HOXD4: variants seen among roughly 807,000 people sequenced by gnomAD.
HOXD4 encodes homeobox D4.
A neutral mutation model predicts 22.6 loss-of-function variants in HOXD4; 15 were observed. The observed-to-expected ratio is 0.67, with a 90% CI of 0.45 to 1.02. HOXD4 has a LOEUF of 1.02. HOXD4 is among the 50% of genes least tolerant of loss of function. The pLI is 0.00. For missense variants in HOXD4, 350 were observed against 346.6 expected, an observed-to-expected ratio of 1.01 and a Z score of -0.08; for synonymous variants, 176 against 157.0, an observed-to-expected ratio of 1.12 and a Z score of -0.90.
Position 176,152,988 on chromosome 2 carries a change from C to T in HOXD4, c.*46C>T. The T allele has an allele frequency of 6.3e-7, 1 of 1,584,558 alleles. No individual in the cohort carries two copies. Among genetic ancestry groups the T allele is most frequent in the Non-Finnish European group, 8.7e-7 (1 of 1,153,370 alleles). ...TCTCTCCCTGCGCACCAGGCTGAGC[C>T]GAAGCTGCGGGGGCAGGCCGGGCCT... is the stretch of plus-strand genomic sequence containing the variant. On this transcript the variant is annotated 3_prime_UTR_variant, in exon 2 of 2. Coordinates refer to ENST00000306324, the MANE Select transcript of HOXD4 (RefSeq NM_014621.3). The surrounding 1 kb of genome is among the most constrained non-coding windows in gnomAD (Gnocchi z 5.2).
Position 176,153,007 on chromosome 2 carries a change from C to G in HOXD4, c.*65C>G. Reference sequence around the variant, plus strand: ...CTGAGCCGAAGCTGCGGGGGCAGGCCGGGCCTGCTGTCACCTCGCTGGGCT... The same window carrying G: ...CTGAGCCGAAGCTGCGGGGGCAGGCGGGGCCTGCTGTCACCTCGCTGGGCT... On this transcript the variant is annotated 3_prime_UTR_variant, in exon 2 of 2. Transcript: ENST00000306324. 3 of 1,514,590 alleles carry G rather than the reference C, an allele frequency of 2.0e-6. No homozygotes were observed. Among genetic ancestry groups the G allele is most frequent in the Non-Finnish European group, 2.8e-6 (3 of 1,090,144 alleles). The allele number at this position is 1,514,590 out of a possible 1,614,324, so 93.8% of individuals were successfully genotyped here.
In HOXD4 at chr2:176,152,918, C is replaced by G; in HGVS notation, c.744C>G (p.His248Gln). 2 of 1,614,210 alleles carry G rather than the reference C, an allele frequency of 1.2e-6. No individual in the cohort carries two copies. The highest frequency in any genetic ancestry group is 1.7e-6 in the Non-Finnish European group (2 of 1,180,034). ...ATTTACAGCCGATGGCCAAAGACCA[C>G]CACACGGACCTGACGACCTTATAGA... ...SQHLQPMAKD[H>Q]HTDLTTL The change falls in exon 2 of 2, where the codon CAC becomes CAG. Residue 248 changes from histidine (H) to glutamine (Q), a missense_variant. Transcript: ENST00000306324. The surrounding 1 kb of genome is among the most constrained non-coding windows in gnomAD (Gnocchi z 5.2).
chr2:176,153,129 GAT>G lies in HOXD4; in HGVS notation c.*188_*189del. The G allele has an allele frequency of 5.7e-6, 2 of 350,782 alleles. No individual in the cohort carries two copies. The highest frequency in any genetic ancestry group is 7.9e-5 in the East Asian group (1 of 12,680). 21.7% of individuals were successfully genotyped at this position (350,782 alleles called of 1,614,324 possible). On this transcript the variant is annotated 3_prime_UTR_variant, in exon 2 of 2. Transcript: ENST00000306324. The stretch of plus-strand genomic sequence containing the variant: ...AGCCCCCTCCCTAGAGCGGGATGGG[GAT>G]GGGAGGGGGGGCGGGATTCTCTCTC...
rs1300367641 is a variant in HOXD4, at chr2:176,152,997, G to A, written c.*55G>A. 4 of 1,567,834 alleles carry A rather than the reference G, an allele frequency of 2.6e-6. No individual in the cohort carries two copies. Among genetic ancestry groups the A allele is most frequent in the East Asian group, 2.2e-5 (1 of 44,576 alleles). ...GCGCACCAGGCTGAGCCGAAGCTGC[G>A]GGGGCAGGCCGGGCCTGCTGTCACC... On this transcript the variant is annotated 3_prime_UTR_variant, in exon 2 of 2. Transcript: ENST00000306324. This position sits in a 1 kb window ranked among gnomAD's most constrained non-coding sequence, Gnocchi z 5.2.
In HOXD4 at chr2:176,151,690, G is replaced by T. The variant is rs376860683; in HGVS notation, c.57G>T (p.Pro19=). The T allele has an allele frequency of 6.2e-7, 1 of 1,613,602 alleles. No individual in the cohort carries two copies. The highest frequency in any genetic ancestry group is 8.5e-7 in the Non-Finnish European group (1 of 1,179,988). Residue 19 remains proline, a synonymous_variant, in exon 1 of 2, where the codon CCG becomes CCT. Coordinates refer to ENST00000306324, the MANE Select transcript of HOXD4 (RefSeq NM_014621.3). ...AGTATGTGGACCCCAAGTTCCCTCC[G>T]TGCGAGGAGTATTTGCAGGGCGGCT... ...NSKYVDPKFP[P]CEEYLQGGYL... is the part of the protein sequence containing the mutation.
Position 176,151,565 on chromosome 2 carries a change from G to A in HOXD4, c.-69G>A, listed in dbSNP as rs779403544. 2.2e-6 allele frequency: 3 copies of A among 1,377,168 alleles called. No individual in the cohort carries two copies. The highest frequency in any genetic ancestry group is 3.1e-6 in the Non-Finnish European group (3 of 968,122). The allele number at this position is 1,377,168 out of a possible 1,614,324, so 85.3% of individuals were successfully genotyped here. A position where few individuals can be genotyped will look rare whatever the true frequency, so the allele number is the denominator to read the frequency against. On this transcript the variant is annotated 5_prime_UTR_variant, in exon 1 of 2. Coordinates refer to ENST00000306324, the MANE Select transcript of HOXD4 (RefSeq NM_014621.3). ...AACTTTATTCAGTTGACAGCAAGTA[G>A]GAGGGCCCTATGGAAGGAGAAAAAA...
Position 176,152,869 on chromosome 2 carries a change from C to G in HOXD4, c.695C>G (p.Ser232Cys), listed in dbSNP as rs1268750836. The G allele has an allele frequency of 6.2e-7, 1 of 1,614,192 alleles. No individual in the cohort carries two copies. The highest frequency in any genetic ancestry group is 8.5e-7 in the Non-Finnish European group (1 of 1,180,028). The change falls in exon 2 of 2, where the codon TCC becomes TGC. Residue 232 changes from serine (S) to cysteine (C), a missense_variant. By Grantham distance (112) the Ser-to-Cys change is moderately radical (BLOSUM62 -1). Transcript: ENST00000306324. The surrounding 1 kb of genome is among the most constrained non-coding windows in gnomAD (Gnocchi z 5.2). The stretch of plus-strand genomic sequence containing the variant: ...TCCTCATCTTCCTCCTCATCTTGCT[C>G]CTCCTCAGTCGCCCCCAGCCAGCAT... ...SSSSSSSSSCSSSVAPSQHLQ... is the reference protein window; with the variant it reads ...SSSSSSSSSCCSSVAPSQHLQ...
chr2:176,152,051 G>T lies in HOXD4; in HGVS notation c.418G>T (p.Val140Leu), dbSNP rs923446536. The T allele has an allele frequency of 6.2e-7, 1 of 1,613,424 alleles. No individual in the cohort carries two copies. Among genetic ancestry groups the T allele is most frequent in the African/African-American group, 1.3e-5 (1 of 74,926 alleles). Residue 140 changes from valine to leucine, a missense_variant, in exon 1 of 2, where the codon GTG becomes TTG. Transcript: ENST00000306324. The surrounding 1 kb of genome is among the most constrained non-coding windows in gnomAD (Gnocchi z 5.2). ...PAVVYPWMKK[V>L]HVNSVNPNYT... ...CGTGGTCTACCCCTGGATGAAGAAG[G>T]TGCACGTGAATTCGGGTAAGGCTAG...
Position 176,152,621 on chromosome 2 carries a change from C to T in HOXD4, c.447C>T (p.Tyr149=), listed in dbSNP as rs771854173. ...TTTGTCTCGCAGTGAACCCCAACTA[C>T]ACCGGTGGGGAACCCAAGCGGTCCC... The part of the protein sequence containing the change: ...KVHVNSVNPN[Y]TGGEPKRSRT... The change falls in exon 2 of 2, where the codon TAC becomes TAT. Residue 149 remains tyrosine (Y), a synonymous_variant. Coordinates refer to ENST00000306324, the MANE Select transcript of HOXD4 (RefSeq NM_014621.3). This position sits in a 1 kb window ranked among gnomAD's most constrained non-coding sequence, Gnocchi z 5.2. 2.5e-6 allele frequency: 4 copies of T among 1,613,934 alleles called. No homozygotes were observed. The South Asian group carries it at 4.4e-5, about 18-fold the overall frequency.
At position 176,152,946 on chromosome 2, in the gene HOXD4, TG is replaced by T. The variant is rs1690574130; in HGVS notation, c.*8del. On this transcript the variant is annotated 3_prime_UTR_variant, in exon 2 of 2. Transcript: ENST00000306324. The surrounding 1 kb of genome is among the most constrained non-coding windows in gnomAD (Gnocchi z 5.2). ...CACGGACCTGACGACCTTATAGAAG[TG>T]GGGACCCTGGGCCCATCTCTCCCTG... The T allele has an allele frequency of 6.2e-7, 1 of 1,613,576 alleles. No homozygotes were observed. The highest frequency in any genetic ancestry group is 8.5e-7 in the Non-Finnish European group (1 of 1,179,624).
chr2:176,152,439 A>G lies in HOXD4; in HGVS notation c.434-169A>G, dbSNP rs1574973607. Among the ~76,000 whole-genome samples the G allele has an allele frequency of 8.6e-6, 1 of 115,926 alleles. No individual in the cohort carries two copies. The allele number at this position is 115,926 out of a possible 152,430, so 76.1% of individuals were successfully genotyped here. ...GGGTGTGTTTGAGGAGGTGGGTGGG[A>G]GTGAGCGTGTGCGCCGGGGAGAGGG... On this transcript the variant is annotated intron_variant, in intron 1 of 1. Coordinates refer to ENST00000306324, the MANE Select transcript of HOXD4 (RefSeq NM_014621.3). This position sits in a 1 kb window ranked among gnomAD's most constrained non-coding sequence, Gnocchi z 5.2.
rs745705030 is a variant in HOXD4 at position 176,152,620 on chromosome 2, A to G, written c.446A>G (p.Tyr149Cys). 6.2e-7 allele frequency: 1 copy of G among 1,613,830 alleles called. No individual in the cohort carries two copies. Among genetic ancestry groups the G allele is most frequent in the Non-Finnish European group, 8.5e-7 (1 of 1,179,760 alleles). ...TTTTGTCTCGCAGTGAACCCCAACT[A>G]CACCGGTGGGGAACCCAAGCGGTCC... ...KVHVNSVNPN[Y>C]TGGEPKRSRT... is the part of the protein sequence containing the mutation. The change falls in exon 2 of 2, where the codon TAC becomes TGC. Residue 149 changes from tyrosine to cysteine, a missense_variant. Physicochemically the swap from Tyr to Cys is radical, Grantham distance 194. Transcript: ENST00000306324. This position sits in a 1 kb window ranked among gnomAD's most constrained non-coding sequence, Gnocchi z 5.2.
chr2:176,151,613 A>G lies in HOXD4; in HGVS notation c.-21A>G, dbSNP rs1481021626. 3 of 1,598,450 alleles carry G rather than the reference A, an allele frequency of 1.9e-6. No individual in the cohort carries two copies. The highest frequency in any genetic ancestry group is 2.6e-6 in the Non-Finnish European group (3 of 1,166,810). On this transcript the variant is annotated 5_prime_UTR_variant, in exon 1 of 2. Transcript: ENST00000306324. ...AAAAGACAACACGAGAAAAATTAGT[A>G]TTTTCTACCTTCTGAAATTAATGGT...
Position 176,153,167 on chromosome 2 carries a change from A to C in HOXD4, c.*225A>C. 1.7e-6 allele frequency: 1 copy of C among 576,042 alleles called. No homozygotes were observed. Among genetic ancestry groups the C allele is most frequent in the Non-Finnish European group, 3.1e-6 (1 of 322,032 alleles). 35.7% of individuals were successfully genotyped at this position (576,042 alleles called of 1,614,324 possible). On this transcript the variant is annotated 3_prime_UTR_variant, in exon 2 of 2. Transcript: ENST00000306324. ...GCGGGATTCTCTCTCTAAGTATATT[A>C]TATGGCAGGAGCTACTGAGAACATA...
Position 176,152,489 on chromosome 2 carries a change from T to A in HOXD4, c.434-119T>A. On this transcript the variant is annotated intron_variant, in intron 1 of 1. Transcript: ENST00000306324. This position sits in a 1 kb window ranked among gnomAD's most constrained non-coding sequence, Gnocchi z 5.2. ...GCGGGAGGGAGGAAGCAAGCGAGCT[T>A]GGGAGCGCGCGGGGAGGGCCGCGGG... is the stretch of plus-strand genomic sequence containing the variant. The A allele has an allele frequency of 1.3e-6, 1 of 793,952 alleles. No individual in the cohort carries two copies. The highest frequency in any genetic ancestry group is 2.1e-6 in the Non-Finnish European group (1 of 478,940). The allele number at this position is 793,952 out of a possible 1,614,324, so 49.2% of individuals were successfully genotyped here.
At position 176,152,139 on chromosome 2, in the gene HOXD4, G is replaced by A. The variant is rs1690544966; in HGVS notation, c.433+73G>A. Reference sequence around the variant, plus strand: ...GCCTGGGTCCTCTGGAAGGGGGTGCGAGTAGGTGGGGGCGTGTGGAGCTTC... The same window carrying A: ...GCCTGGGTCCTCTGGAAGGGGGTGCAAGTAGGTGGGGGCGTGTGGAGCTTC... On this transcript the variant is annotated intron_variant, in intron 1 of 1. Coordinates refer to ENST00000306324, the MANE Select transcript of HOXD4 (RefSeq NM_014621.3). The surrounding 1 kb of genome is among the most constrained non-coding windows in gnomAD (Gnocchi z 5.2). 7.6e-7 allele frequency: 1 copy of A among 1,307,248 alleles called. No homozygotes were observed. Among genetic ancestry groups the A allele is most frequent in the Non-Finnish European group, 1.1e-6 (1 of 907,362 alleles). 81.0% of individuals were successfully genotyped at this position (1,307,248 alleles called of 1,614,324 possible).
Position 176,152,410 on chromosome 2 carries a change from A to T in HOXD4, c.434-198A>T, listed in dbSNP as rs1226758800. Among the ~76,000 whole-genome samples the T allele has an allele frequency of 1.4e-5, 2 of 139,362 alleles. No homozygotes were observed. Among genetic ancestry groups the T allele is most frequent in the Admixed American group, 7.1e-5 (1 of 14,062 alleles). The allele number at this position is 139,362 out of a possible 152,430, so 91.4% of individuals were successfully genotyped here. On this transcript the variant is annotated intron_variant, in intron 1 of 1. Coordinates refer to ENST00000306324, the MANE Select transcript of HOXD4 (RefSeq NM_014621.3). The surrounding 1 kb of genome is among the most constrained non-coding windows in gnomAD (Gnocchi z 5.2). ...TTTGGGGATCCCGCAAGCCTGGGGT[A>T]TGTGGGTGTGTTTGAGGAGGTGGGT...
At position 176,153,187 on chromosome 2, in the gene HOXD4, A is replaced by T. The variant is rs1470936112; in HGVS notation, c.*245A>T. ...ATATTATATGGCAGGAGCTACTGAG[A>T]ACATAAAATCTTGGCGAGTCATTAA... On this transcript the variant is annotated 3_prime_UTR_variant, in exon 2 of 2. Coordinates refer to ENST00000306324, the MANE Select transcript of HOXD4 (RefSeq NM_014621.3). The T allele has an allele frequency of 5.5e-6, 3 of 544,780 alleles. No homozygotes were observed. Among genetic ancestry groups the T allele is most frequent in the Non-Finnish European group, 9.8e-6 (3 of 305,926 alleles). The allele number at this position is 544,780 out of a possible 1,614,324, so 33.7% of individuals were successfully genotyped here.
At position 176,152,841 on chromosome 2, in the gene HOXD4, T is replaced by G; in HGVS notation, c.667T>G (p.Ser223Ala). ...GCTGCCCAACACTAAAGGCAGGTCATCGTCCTCATCTTCCTCCTCATCTTG... is the reference window on the plus strand; with the variant it reads ...GCTGCCCAACACTAAAGGCAGGTCAGCGTCCTCATCTTCCTCCTCATCTTG... ...HKLPNTKGRS[S>A]SSSSSSSCSS... is the part of the protein sequence containing the mutation. The change falls in exon 2 of 2, where the codon TCG becomes GCG. Residue 223 changes from serine to alanine, a missense_variant. Physicochemically the swap from Ser to Ala is moderately conservative, Grantham distance 99. Coordinates refer to ENST00000306324, the MANE Select transcript of HOXD4 (RefSeq NM_014621.3). This position sits in a 1 kb window ranked among gnomAD's most constrained non-coding sequence, Gnocchi z 5.2. 1 of 1,614,158 alleles carries G rather than the reference T, an allele frequency of 6.2e-7. No individual in the cohort carries two copies. Among genetic ancestry groups the G allele is most frequent in the Non-Finnish European group, 8.5e-7 (1 of 1,180,026 alleles).
Sources: allele counts gnomAD v4.1 joint callset (sites outside exome capture counted in the v4.1 genomes callset), GRCh38; gene constraint gnomAD v4.1.1; non-coding constraint Gnocchi (gnomAD v3.1); transcripts MANE v1.5; gene names NCBI Gene and HGNC (gene_info 2026-07-23, HGNC 2026-07-21).